PSD3: variants seen among roughly 807,000 people sequenced by gnomAD.
PSD3 encodes PH and SEC7 domain-containing protein 3.
PSD3 carries 49 observed loss-of-function variants against 105.5 expected under a neutral mutation model. The ratio of observed to expected loss-of-function variants is 0.46; its 90% CI spans 0.37 to 0.59. The LOEUF is 0.59. PSD3 is among the 20% of genes least tolerant of loss of function. The pLI is 0.00. For synonymous variants in PSD3, 557 were observed against 457.8 expected (o/e 1.22, Z -2.77); for missense variants, 1,561 against 1,263.8 (o/e 1.24, Z -3.57).
chr8:18,676,985 CT>C (rs1325382466), intron 9 of PSD3, among the ~76,000 whole-genome samples: 4 of 152,348 alleles, frequency 2.6e-5, no homozygotes, highest in African/African-American at 9.6e-5. Flanking sequence ...ATCACCTACA[CT>C]TTACTCAAGT....
At chr8:18,574,728 A>G (rs1802367855) in intron 13 of PSD3, among the ~76,000 whole-genome samples, 1 of 152,216 alleles carries the variant, frequency 6.6e-6, no homozygotes, top group East Asian at 1.9e-4. Flanking sequence ...GATAAACGTT[A>G]TCCCCCACAC....
intron 2 of PSD3, among the ~76,000 whole-genome samples, chr8:18,877,249 G>A (rs1817785004): frequency 6.6e-6 from 1 of 152,110 alleles, no homozygotes; most frequent in Admixed American, 6.5e-5. Context: ...CTAAACCAAC[G>A]TCACAAAGAT....
Position 18,556,391 on chromosome 8 carries a change from A to AAAC in PSD3, c.2785-42_2785-40dup, listed in dbSNP as rs759579433. The stretch of plus-strand genomic sequence containing the variant: ...TGATGCCATTTAGCGTTCAAAAAAA[A>AAAC]AACAAGTCAATAACAAAGCACAGCA... On this transcript the variant is annotated intron_variant, in intron 14 of 15. Coordinates refer to ENST00000327040, the MANE Select transcript of PSD3 (RefSeq NM_015310.4). 9.4e-6 allele frequency: 15 copies of AAAC among 1,588,546 alleles called. 1 individual carries two copies. In the South Asian group the frequency reaches 1.5e-4, roughly 16 times the overall value.
chr8:18,751,174 C>T (rs1585832353), intron 9 of PSD3, among the ~76,000 whole-genome samples: 2 of 152,120 alleles, frequency 1.3e-5, no homozygotes, highest in Non-Finnish European at 2.9e-5. Context: ...CTGCAGGTCC[C>T]GAGCCCTGCC....
At chr8:19,038,114 C>A (rs932084335) in intron 1 of PSD3, among the ~76,000 whole-genome samples, 1 of 152,004 alleles carries the variant, frequency 6.6e-6, no homozygotes, top group Admixed American at 6.6e-5. Flanking sequence ...CAAACCATAT[C>A]ACCTCAGATT....
chr8:18,912,400 TCTAA>T (rs1281875203), intron 2 of PSD3, among the ~76,000 whole-genome samples: 4 of 152,172 alleles, frequency 2.6e-5, no homozygotes, highest in Admixed American at 1.3e-4. Context: ...GGCAGTGTTG[TCTAA>T]CTATTAACAG....
chr8:18,829,741 T>C lies in PSD3; in HGVS notation c.1635-24843A>G, dbSNP rs187104299. Among the ~76,000 whole-genome samples the C allele has an allele frequency of 3.9e-3, 595 of 152,248 alleles. 3 individuals carry two copies. The highest frequency in any genetic ancestry group is 3.9e-3 in the Non-Finnish European group (264 of 68,004). On this transcript the variant is annotated intron_variant, in intron 4 of 15. Coordinates refer to ENST00000327040, the MANE Select transcript of PSD3 (RefSeq NM_015310.4). Reference sequence around the variant, plus strand: ...CGTAGCACTGTTGTTAAGCCTCTAATAGGGCACTTCTTTAACTGTCTTGAA... The same window carrying C: ...CGTAGCACTGTTGTTAAGCCTCTAACAGGGCACTTCTTTAACTGTCTTGAA...
chr8:18,687,514 A>G (rs1334671980), intron 9 of PSD3, among the ~76,000 whole-genome samples: 1 of 152,000 alleles, frequency 6.6e-6, no homozygotes. Context: ...AAATGAATAC[A>G]ATAAATACGA....
At chr8:18,754,121 C>G (rs932284704) in intron 9 of PSD3, among the ~76,000 whole-genome samples, 1 of 152,146 alleles carries the variant, frequency 6.6e-6, no homozygotes, top group African/African-American at 2.4e-5. Flanking sequence ...CGGTGGCTCA[C>G]GCCTGTAATC....
chr8:18,601,860 G>A (rs1306077375), intron 11 of PSD3, among the ~76,000 whole-genome samples: 2 of 152,190 alleles, frequency 1.3e-5, no homozygotes, highest in African/African-American at 2.4e-5. Flanking sequence ...AGGGCTGAGA[G>A]GGCTGCTGCA....
At chr8:18,739,644 G>A (rs904374392) in intron 9 of PSD3, among the ~76,000 whole-genome samples, 14 of 152,122 alleles carry the variant, frequency 9.2e-5, no homozygotes, top group South Asian at 6.2e-4. Context: ...CCTATTTATA[G>A]TAGCAAAAAA....
chr8:19,022,008 C>T (rs1586637761), intron 1 of PSD3, among the ~76,000 whole-genome samples: 1 of 152,206 alleles, frequency 6.6e-6, no homozygotes, highest in African/African-American at 2.4e-5. Flanking sequence ...AACATCTGCT[C>T]AGCTTCTGGC....
At chr8:18,586,880 G>T (rs1444980069) in intron 12 of PSD3, among the ~76,000 whole-genome samples, 1 of 152,166 alleles carries the variant, frequency 6.6e-6, no homozygotes, top group African/African-American at 2.4e-5. Flanking sequence ...GAAAGGTGTG[G>T]AGAAAGAGAG....
chr8:18,787,834 A>G (rs967854381), intron 8 of PSD3, among the ~76,000 whole-genome samples: 1 of 152,214 alleles, frequency 6.6e-6, no homozygotes, highest in Non-Finnish European at 1.5e-5. Context: ...ATTCCCATAA[A>G]CAATTTTTAG....
At chr8:18,879,051 A>AACACACACACACACAC (rs59598569) in intron 2 of PSD3, among the ~76,000 whole-genome samples, 31 of 138,596 alleles carry the variant, frequency 2.2e-4, no homozygotes, top group South Asian at 9.7e-4. Context: ...CACACACACA[A>AACACACACACACACAC]ACACACACAC....
intron 1 of PSD3, among the ~76,000 whole-genome samples, chr8:18,985,606 A>G (rs1195203488): frequency 5.3e-5 from 8 of 152,218 alleles, no homozygotes. Flanking sequence ...GTCTTTTGTC[A>G]AGAGTAATTG....
intron 1 of PSD3, among the ~76,000 whole-genome samples, chr8:19,076,694 C>T (rs1197423525): frequency 6.6e-6 from 1 of 152,168 alleles, no homozygotes; most frequent in Non-Finnish European, 1.5e-5. Context: ...TAAATTGTTA[C>T]TTTAAAGGTC....
intron 11 of PSD3, among the ~76,000 whole-genome samples, chr8:18,613,384 T>C (rs1805418396): frequency 6.6e-6 from 1 of 152,162 alleles, no homozygotes; most frequent in African/African-American, 2.4e-5. Context: ...TGTGGTAAGG[T>C]GGGATTTAAT....
chr8:18,863,445 G>C (rs1219792560), intron 4 of PSD3, among the ~76,000 whole-genome samples: 1 of 152,138 alleles, frequency 6.6e-6, no homozygotes, highest in Non-Finnish European at 1.5e-5. Flanking sequence ...TACATGGGGA[G>C]GGGATGCTCC....
Sources: gnomAD v4.1 joint callset for allele counts (sites outside exome capture counted in the v4.1 genomes callset) on GRCh38, gnomAD v4.1.1 for gene constraint, MANE v1.5 for transcripts, NCBI Gene and HGNC (gene_info 2026-07-23, HGNC 2026-07-21) for gene names.